BACH1: variants seen among roughly 807,000 people sequenced by gnomAD.
The protein encoded by BACH1 is BTB domain and CNC homolog 1.
In BACH1, 35 loss-of-function variants were observed where a neutral mutation model predicts 52.9. The ratio of observed to expected loss-of-function variants is 0.66; its 90% confidence interval spans 0.51 to 0.88. The LOEUF is 0.88. Among genes scored for constraint, BACH1 ranks in the 40% least tolerant of loss-of-function variants. BACH1 has a pLI of 0.00. For missense variants in BACH1, 808 were observed against 872.6 expected (o/e 0.93, Z 0.93); for synonymous variants, 321 against 319.6 (o/e 1.00, Z -0.05).
chr21:29,356,673 G>T (rs1398871658), intron 2 of BACH1, among the ~76,000 whole-genome samples: 1 of 152,266 alleles, frequency 6.6e-6, no homozygotes, highest in Non-Finnish European at 1.5e-5. Context: ...TGATAGGAAG[G>T]CTATGGGTTG....
intron 3 of BACH1, among the ~76,000 whole-genome samples, chr21:29,328,390 A>G (rs1271225669): frequency 6.6e-6 from 1 of 152,054 alleles, no homozygotes; most frequent in African/African-American, 2.4e-5. Flanking sequence ...TATATTAATT[A>G]AAATATTTTT....
chr21:29,360,856 A>AAC (rs1601380657), intron 2 of BACH1, among the ~76,000 whole-genome samples: 1 of 151,380 alleles, frequency 6.6e-6, no homozygotes. Flanking sequence ...AAAAAAAAAA[A>AAC]AAAAACAAAA....
At chr21:29,356,627 A>T (rs986364337) in intron 2 of BACH1, among the ~76,000 whole-genome samples, 1 of 152,230 alleles carries the variant, frequency 6.6e-6, no homozygotes, top group Non-Finnish European at 1.5e-5. Flanking sequence ...TAAGATTTAG[A>T]TCCCCTGTTA....
intron 1 of BACH1, among the ~76,000 whole-genome samples, chr21:29,311,257 T>C (rs2088717785): frequency 6.6e-6 from 1 of 152,214 alleles, no homozygotes; most frequent in Non-Finnish European, 1.5e-5. Context: ...CAGAATATTC[T>C]CTATCAAATG....
intron 2 of BACH1, among the ~76,000 whole-genome samples, chr21:29,351,419 A>G (rs1690259037): frequency 6.6e-6 from 1 of 152,230 alleles, no homozygotes; most frequent in African/African-American, 2.4e-5. Context: ...TTCCTTTGTG[A>G]AATAAGCATG....
chr21:29,325,221 C>T (rs536126549), intron 2 of BACH1, among the ~76,000 whole-genome samples: 1 of 151,960 alleles, frequency 6.6e-6, no homozygotes, highest in Non-Finnish European at 1.5e-5. Context: ...CAGAGCGAGA[C>T]TCCGTCTTAG....
At chr21:29,302,391 A>G (rs1212655928) in intron 1 of BACH1, among the ~76,000 whole-genome samples, 4 of 152,230 alleles carry the variant, frequency 2.6e-5, no homozygotes, top group Non-Finnish European at 5.9e-5. Context: ...TACACAGTGC[A>G]CTAACATAAC....
downstream of BACH1, among the ~76,000 whole-genome samples, chr21:29,350,161 A>T (rs1167642820): frequency 3.3e-5 from 5 of 151,986 alleles, no homozygotes; most frequent in African/African-American, 1.2e-4. Flanking sequence ...CCTAATACAA[A>T]CCTCCACATA....
chr21:29,356,864 CTCTCTT>C (rs2089237939), intron 2 of BACH1, among the ~76,000 whole-genome samples: 1 of 152,064 alleles, frequency 6.6e-6, no homozygotes, highest in Non-Finnish European at 1.5e-5. Context: ...CTCTCTTTCT[CTCTCTT>C]TGACTTCTTC....
intron 2 of BACH1, among the ~76,000 whole-genome samples, chr21:29,354,578 G>C (rs911820747): frequency 6.6e-6 from 1 of 152,146 alleles, no homozygotes; most frequent in Admixed American, 6.5e-5. Flanking sequence ...AGAAGAGCTG[G>C]TAAAAAAGAT....
intron 1 of BACH1, among the ~76,000 whole-genome samples, chr21:29,300,483 G>T (rs1367237599): frequency 6.6e-6 from 1 of 152,182 alleles, no homozygotes; most frequent in African/African-American, 2.4e-5. Context: ...AGTGGGTGAA[G>T]TGGAAGAGCA....
At position 29,344,014 on chromosome 21, in the gene BACH1, T is replaced by C. The variant is rs1473842931; in HGVS notation, c.*1181T>C. On this transcript the variant is annotated 3_prime_UTR_variant, in exon 5 of 5. Coordinates refer to ENST00000286800, the MANE Select transcript of BACH1 (RefSeq NM_001186.4). ...ATAAAGACACACAAATCATTTTAAC[T>C]TGGACATTTAAAGATCAGTCTTAGT... 1 of 152,242 alleles carries C rather than the reference T, an allele frequency of 6.6e-6. No individual in the cohort carries two copies. The highest frequency in any genetic ancestry group is 1.5e-5 in the Non-Finnish European group (1 of 68,044). The allele number at this position is 152,242 out of a possible 1,614,324, so 9.4% of individuals were successfully genotyped here.
At chr21:29,311,417 GGTTTTTGTTTGTTT>G (rs1353864507) in intron 1 of BACH1, among the ~76,000 whole-genome samples, 1 of 151,792 alleles carries the variant, frequency 6.6e-6, no homozygotes, top group Non-Finnish European at 1.5e-5. Context: ...AATACTTGTT[GGTTTTTGTTTGTTT>G]GTTTTTTTAA....
intron 4 of BACH1, among the ~76,000 whole-genome samples, chr21:29,341,995 G>T (rs1403716611): frequency 6.6e-6 from 1 of 152,140 alleles, no homozygotes; most frequent in Non-Finnish European, 1.5e-5. Flanking sequence ...AAAACCGTAT[G>T]TTTGTCACAA....
chr21:29,341,957 G>T (rs1484996578), intron 4 of BACH1, among the ~76,000 whole-genome samples: 1 of 152,070 alleles, frequency 6.6e-6, no homozygotes, highest in Non-Finnish European at 1.5e-5. Context: ...TACCTGTTAT[G>T]TACAGTCTGT....
At position 29,329,698 on chromosome 21, in the gene BACH1, G is replaced by T. The variant is rs768139980; in HGVS notation, c.1776+5G>T. On this transcript the variant is annotated splice_donor_5th_base_variant and intron_variant, in intron 4 of 4. Transcript: ENST00000286800. ...GAATCAGAAATTGAGAAGCTGGTAA[G>T]TGTAAAAGTTTCTTGTTACTATTTA... The T allele has an allele frequency of 2.7e-6, 4 of 1,501,200 alleles. No homozygotes were observed. Among genetic ancestry groups the T allele is most frequent in the African/African-American group, 1.4e-5 (1 of 70,396 alleles). The allele number at this position is 1,501,200 out of a possible 1,614,324, so 93.0% of individuals were successfully genotyped here. A position where few individuals can be genotyped will look rare whatever the true frequency, so the allele number is the denominator to read the frequency against.
At chr21:29,353,030 G>A (rs919921496) in intron 2 of BACH1, among the ~76,000 whole-genome samples, 1 of 152,092 alleles carries the variant, frequency 6.6e-6, no homozygotes, top group Non-Finnish European at 1.5e-5. Flanking sequence ...TGTATTTTTA[G>A]TAGAGATGGG....
downstream of BACH1, among the ~76,000 whole-genome samples, chr21:29,350,755 A>G (rs2089197485): frequency 6.6e-6 from 1 of 152,214 alleles, no homozygotes; most frequent in East Asian, 1.9e-4. Context: ...GGTTGAGGGA[A>G]GATCATGTTC....
At chr21:29,300,378 CA>C (rs1258690373) in intron 1 of BACH1, among the ~76,000 whole-genome samples, 1 of 152,200 alleles carries the variant, frequency 6.6e-6, no homozygotes, top group Non-Finnish European at 1.5e-5. Flanking sequence ...ACTCTCATCA[CA>C]TGCCTCCACT....
Sources: gnomAD v4.1 joint callset for allele counts (sites outside exome capture counted in the v4.1 genomes callset) on GRCh38, gnomAD v4.1.1 for gene constraint, MANE v1.5 for transcripts, NCBI Gene and HGNC (gene_info 2026-07-23, HGNC 2026-07-21) for gene names.